Variants in PEX3 observed in about 807,000 individuals in gnomAD.
PEX3 encodes peroxisomal biogenesis factor 3, also known as peroxin-3.
PEX3 carries 30 observed loss-of-function variants against 55.8 expected under a neutral mutation model. That is an observed-to-expected ratio of 0.54 (90% confidence interval 0.40 to 0.73). PEX3 has a LOEUF of 0.73. Ranked by LOEUF, PEX3 falls within the 30% of genes least tolerant of loss-of-function variation. The pLI is 0.00. For synonymous variants in PEX3, 135 were observed against 148.4 expected (o/e 0.91, Z 0.66); for missense variants, 351 against 432.8 (o/e 0.81, Z 1.68).
intron 4 of PEX3, 71 bp from the exon 5 acceptor site, chr6:143,470,890 C>G: frequency 7.4e-7 from 1 of 1,358,908 alleles, no homozygotes; most frequent in Non-Finnish European, 1.0e-6. Flanking sequence ...AAAAAATAAC[C>G]TTAGGATGGT....
rs161071 is a variant in PEX3 at position 143,462,165 on chromosome 6, T to C, written c.206-751T>C. On this transcript the variant is annotated intron_variant, in intron 2 of 11. Transcript: ENST00000367591. This position sits in a 1 kb window ranked among gnomAD's most constrained non-coding sequence, Gnocchi z 4.1. ...CACATGAAGTTTTTTTCCCATAGATTGCTAGTCTCATTTCATCTTCACATT... is the reference window on the plus strand; with the variant it reads ...CACATGAAGTTTTTTTCCCATAGATCGCTAGTCTCATTTCATCTTCACATT... Among the ~76,000 whole-genome samples the C allele has an allele frequency of 0.15, 23,403 of 152,102 alleles. 2,040 individuals are homozygous for C. The highest frequency in any genetic ancestry group is 0.33 in the East Asian group (1,705 of 5,172).
Position 143,485,880 on chromosome 6 carries a change from G to T in PEX3, c.1038+632G>T, listed in dbSNP as rs368822997. ...GAATTTCTGAGTCATGTGCAAACTT[G>T]GAAACTGTGTTATAAGTTAAAAAAT... is the stretch of plus-strand genomic sequence containing the variant. On this transcript the variant is annotated intron_variant, in intron 11 of 11. Transcript: ENST00000367591. The surrounding 1 kb of genome is among the most constrained non-coding windows in gnomAD (Gnocchi z 5.6). 3.9e-5 allele frequency among the ~76,000 whole-genome samples: 6 copies of T among 152,062 alleles called. No individual in the cohort carries two copies. Among genetic ancestry groups the T allele is most frequent in the African/African-American group, 1.4e-4 (6 of 41,422 alleles).
Position 143,489,038 on chromosome 6 carries a change from C to T in PEX3, c.1039-105C>T, listed in dbSNP as rs1466950856. On this transcript the variant is annotated intron_variant, in intron 11 of 11. Coordinates refer to ENST00000367591, the MANE Select transcript of PEX3 (RefSeq NM_003630.3). This position sits in a 1 kb window ranked among gnomAD's most constrained non-coding sequence, Gnocchi z 5.5. ...TTTCTTAAATGGTTTGCCTCTTGGCCTTTACCACAAAACTTAGAGCTGAAT... is the reference window on the plus strand; with the variant it reads ...TTTCTTAAATGGTTTGCCTCTTGGCTTTTACCACAAAACTTAGAGCTGAAT... 1 of 789,858 alleles carries T rather than the reference C, an allele frequency of 1.3e-6. No homozygotes were observed. The highest frequency in any genetic ancestry group is 2.2e-6 in the Non-Finnish European group (1 of 445,034). The allele number at this position is 789,858 out of a possible 1,614,324, so 48.9% of individuals were successfully genotyped here. A position where few individuals can be genotyped will look rare whatever the true frequency, so the allele number is the denominator to read the frequency against.
chr6:143,457,059 T>G (rs1434101440), intron 1 of PEX3, among the ~76,000 whole-genome samples: 1 of 152,174 alleles, frequency 6.6e-6, no homozygotes, highest in Non-Finnish European at 1.5e-5. Context: ...CCAATCAAAT[T>G]TACTATTGTT....
chr6:143,478,567 A>G (rs542877543), intron 9 of PEX3, among the ~76,000 whole-genome samples: 1 of 152,180 alleles, frequency 6.6e-6, no homozygotes, highest in East Asian at 1.9e-4. Context: ...ATTATTCTTT[A>G]TATTAAAGAG....
chr6:143,451,526 A>G lies in PEX3; in HGVS notation c.73+411A>G, dbSNP rs747249173. Among the ~76,000 whole-genome samples the G allele has an allele frequency of 5.3e-5, 8 of 152,204 alleles. No homozygotes were observed. Among genetic ancestry groups the G allele is most frequent in the Non-Finnish European group, 8.8e-5 (6 of 68,038 alleles). ...CTTCTCAGGAGTTTAATAATAATCT[A>G]GGGAAGTTACCTATAGGCTGCACTT... On this transcript the variant is annotated intron_variant, in intron 1 of 11. Transcript: ENST00000367591. The surrounding 1 kb of genome is among the most constrained non-coding windows in gnomAD (Gnocchi z 4.1).
In PEX3 at chr6:143,450,811, C is replaced by G. The variant is rs892464619; in HGVS notation, c.-232C>G. 9.5e-6 allele frequency: 8 copies of G among 838,124 alleles called. No homozygotes were observed. The Middle Eastern group carries it at 1.0e-3, about 106-fold the overall frequency. The allele number at this position is 838,124 out of a possible 1,614,324, so 51.9% of individuals were successfully genotyped here. ...GACCTGGGCTTGTCGGACCAGTGAGCGGCGGCGGCTGCGCGGCGGCAGCGG... is the reference window on the plus strand; with the variant it reads ...GACCTGGGCTTGTCGGACCAGTGAGGGGCGGCGGCTGCGCGGCGGCAGCGG... On this transcript the variant is annotated 5_prime_UTR_variant, in exon 1 of 12. Transcript: ENST00000367591.
rs1780077442 is a variant in PEX3, at chr6:143,471,711, T to C, written c.578+100T>C. 1.2e-6 allele frequency: 1 copy of C among 852,140 alleles called. No homozygotes were observed. Among genetic ancestry groups the C allele is most frequent in the Non-Finnish European group, 2.0e-6 (1 of 493,212 alleles). The allele number at this position is 852,140 out of a possible 1,614,324, so 52.8% of individuals were successfully genotyped here. A position where few individuals can be genotyped will look rare whatever the true frequency, so the allele number is the denominator to read the frequency against. ...AACCAGTGACTTGACAAACGGTGATTTGTGAAACTCTTTGTAATAAAATCA... is the reference window on the plus strand; with the variant it reads ...AACCAGTGACTTGACAAACGGTGATCTGTGAAACTCTTTGTAATAAAATCA... On this transcript the variant is annotated intron_variant, in intron 7 of 11. Coordinates refer to ENST00000367591, the MANE Select transcript of PEX3 (RefSeq NM_003630.3). The surrounding 1 kb of genome is among the most constrained non-coding windows in gnomAD (Gnocchi z 5.4).
chr6:143,467,917 T>G (rs529038561), intron 3 of PEX3, among the ~76,000 whole-genome samples: 1 of 152,268 alleles, frequency 6.6e-6, no homozygotes, highest in Admixed American at 6.5e-5. Flanking sequence ...AAAAAGATTG[T>G]AAGAATATAT....
intron 8 of PEX3, among the ~76,000 whole-genome samples, chr6:143,472,568 AC>A (rs1258359415): frequency 7.9e-5 from 12 of 152,224 alleles, no homozygotes; most frequent in Non-Finnish European, 1.3e-4. Context: ...GACAGTAGAT[AC>A]TGTGATGTAT....
rs1275448931 is a variant in PEX3 at position 143,476,207 on chromosome 6, C to A, written c.818+1351C>A. Among the ~76,000 whole-genome samples the A allele has an allele frequency of 1.3e-5, 2 of 152,166 alleles. No homozygotes were observed. Among genetic ancestry groups the A allele is most frequent in the Non-Finnish European group, 2.9e-5 (2 of 68,026 alleles). On this transcript the variant is annotated intron_variant, in intron 9 of 11. Coordinates refer to ENST00000367591, the MANE Select transcript of PEX3 (RefSeq NM_003630.3). This position sits in a 1 kb window ranked among gnomAD's most constrained non-coding sequence, Gnocchi z 5.4. ...AAGAATACAGTTCAAGGCAGAAGAA[C>A]AGTTGCAGTGATCCTAATGCTTGGC...
Position 143,485,386 on chromosome 6 carries a change from T to C in PEX3, c.1038+138T>C. On this transcript the variant is annotated intron_variant, in intron 11 of 11. Coordinates refer to ENST00000367591, the MANE Select transcript of PEX3 (RefSeq NM_003630.3). This position sits in a 1 kb window ranked among gnomAD's most constrained non-coding sequence, Gnocchi z 5.6. Reference sequence around the variant, plus strand: ...AGAACTTGGAACTACATGTAGAGTATGGTAGAGTGTCCCATGAGAGTAATA... The same window carrying C: ...AGAACTTGGAACTACATGTAGAGTACGGTAGAGTGTCCCATGAGAGTAATA... 1 of 691,890 alleles carries C rather than the reference T, an allele frequency of 1.4e-6. No individual in the cohort carries two copies. The allele number at this position is 691,890 out of a possible 1,614,324, so 42.9% of individuals were successfully genotyped here. A position where few individuals can be genotyped will look rare whatever the true frequency, so the allele number is the denominator to read the frequency against.
chr6:143,481,032 G>C (rs1780232231), intron 10 of PEX3, among the ~76,000 whole-genome samples: 1 of 140,628 alleles, frequency 7.1e-6, no homozygotes, highest in African/African-American at 2.6e-5. Context: ...AAAGAAGTAA[G>C]GTTTTTAACT....
chr6:143,468,305 A>G (rs1780017858), intron 4 of PEX3, 140 bp downstream of exon 4: 1 of 623,138 alleles, frequency 1.6e-6, no homozygotes, highest in Non-Finnish European at 2.9e-6. Context: ...AGGTAAAGCA[A>G]ATAGATCAAT....
chr6:143,474,305 C>T (rs1780120105), intron 8 of PEX3, among the ~76,000 whole-genome samples: 1 of 151,642 alleles, frequency 6.6e-6, no homozygotes, highest in African/African-American at 2.4e-5. Flanking sequence ...AATAAAAATA[C>T]AAACTTAGCC....
chr6:143,461,308 A>G (rs903373468), intron 2 of PEX3, among the ~76,000 whole-genome samples: 2 of 152,196 alleles, frequency 1.3e-5, no homozygotes, highest in African/African-American at 4.8e-5. Flanking sequence ...GCAGTGGCAG[A>G]TGGGGTTGTC....
rs1348272919 is a variant in PEX3 at position 143,487,464 on chromosome 6, T to C, written c.1039-1679T>C. On this transcript the variant is annotated intron_variant, in intron 11 of 11. Transcript: ENST00000367591. This position sits in a 1 kb window ranked among gnomAD's most constrained non-coding sequence, Gnocchi z 5.3. ...CCTCACATACATATGTACACACATA[T>C]ACCACAGTCCTCCAGTGTTTAAATC... Among the ~76,000 whole-genome samples, 2 of 152,144 alleles carry C rather than the reference T, an allele frequency of 1.3e-5. No homozygotes were observed. The highest frequency in any genetic ancestry group is 2.9e-5 in the Non-Finnish European group (2 of 68,002).
rs1779888926 is a variant in PEX3 at position 143,459,333 on chromosome 6, T to A, written c.205+117T>A. On this transcript the variant is annotated intron_variant, in intron 2 of 11. Transcript: ENST00000367591. This position sits in a 1 kb window ranked among gnomAD's most constrained non-coding sequence, Gnocchi z 4.2. ...AAGAAAAGATGGTAAATCTAGCAAGTGTTTGAATGATTTAACTGAATTACA... is the reference window on the plus strand; with the variant it reads ...AAGAAAAGATGGTAAATCTAGCAAGAGTTTGAATGATTTAACTGAATTACA... 9.4e-6 allele frequency: 8 copies of A among 852,708 alleles called. No individual in the cohort carries two copies. Among genetic ancestry groups the A allele is most frequent in the Non-Finnish European group, 1.6e-5 (8 of 504,688 alleles). 52.8% of individuals were successfully genotyped at this position (852,708 alleles called of 1,614,324 possible). A position where few individuals can be genotyped will look rare whatever the true frequency, so the allele number is the denominator to read the frequency against.
chr6:143,481,853 A>G (rs1238540301), intron 10 of PEX3, among the ~76,000 whole-genome samples: 1 of 152,130 alleles, frequency 6.6e-6, no homozygotes, highest in Non-Finnish European at 1.5e-5. Flanking sequence ...TCCTGTCTCT[A>G]CAAAAATTTT....
Sources: gnomAD v4.1 joint callset for allele counts (sites outside exome capture counted in the v4.1 genomes callset) on GRCh38, gnomAD v4.1.1 for gene constraint, Gnocchi (gnomAD v3.1) non-coding constraint, MANE v1.5 for transcripts, NCBI Gene and HGNC (gene_info 2026-07-23, HGNC 2026-07-21) for gene names.